Variants in RCBTB1 observed in about 807,000 individuals in gnomAD.
RCBTB1 encodes RCC1 and BTB domain-containing protein 1.
Under a neutral mutation model 62.4 loss-of-function variants are expected in RCBTB1, and 46 were observed. The ratio of observed to expected loss-of-function variants is 0.74; its 90% CI spans 0.58 to 0.94. The LOEUF is 0.94. Among genes scored for constraint, RCBTB1 ranks in the 40% least tolerant of loss-of-function variants. RCBTB1 has a pLI of 0.00. For synonymous variants in RCBTB1, 222 were observed against 245.8 expected (o/e 0.90, Z 0.91); for missense variants, 565 against 654.9 (o/e 0.86, Z 1.50).
intron 5 of RCBTB1, among the ~76,000 whole-genome samples, chr13:49,556,481 T>C (rs546896593): frequency 4.6e-5 from 7 of 152,298 alleles, no homozygotes; most frequent in Middle Eastern, 3.4e-3. Context: ...TGAGCCACCA[T>C]GCCCAGCCTC....
chr13:49,569,641 G>A (rs573080967), intron 2 of RCBTB1, among the ~76,000 whole-genome samples: 24 of 151,610 alleles, frequency 1.6e-4, no homozygotes, highest in Non-Finnish European at 2.4e-4. Context: ...ACTTGAGCCC[G>A]GGAGGCAGAG....
intron 5 of RCBTB1, among the ~76,000 whole-genome samples, chr13:49,558,319 C>T (rs1051553846): frequency 6.6e-6 from 1 of 152,028 alleles, no homozygotes; most frequent in African/African-American, 2.4e-5. Context: ...AGGCTGTGGC[C>T]ACATGCAACC....
intron 3 of RCBTB1, 46 bp from the exon 4 acceptor site, chr13:49,566,814 G>T: frequency 6.5e-7 from 1 of 1,545,662 alleles, no homozygotes; most frequent in Non-Finnish European, 8.8e-7. Context: ...ACCGAAAGCT[G>T]TATTAAAAGC....
At chr13:49,585,197 C>T (rs550460457) in intron 1 of RCBTB1, among the ~76,000 whole-genome samples, 87 of 152,328 alleles carry the variant, frequency 5.7e-4, no homozygotes, top group African/African-American at 2.1e-3. Flanking sequence ...TTTCCCTCGC[C>T]TCTCCCCATC....
At chr13:49,546,888 T>C in intron 9 of RCBTB1, 1 of 936,170 alleles carries the variant, frequency 1.1e-6, no homozygotes, top group Non-Finnish European at 1.3e-6. Flanking sequence ...TACAGGCATA[T>C]GGCCTGGGGT....
intron 9 of RCBTB1, chr13:49,546,206 CTCTT>C (rs1960772983): frequency 1.0e-6 from 1 of 985,344 alleles, no homozygotes; most frequent in Admixed American, 6.1e-5. Context: ...GCTGAAATGA[CTCTT>C]TCTCCTCTTT....
intron 11 of RCBTB1, 130 bp from the exon 12 acceptor site, chr13:49,541,136 G>T: frequency 1.4e-6 from 1 of 703,442 alleles, no homozygotes; most frequent in Non-Finnish European, 2.2e-6. Context: ...CTGAATTTGA[G>T]TAAATAAATT....
chr13:49,570,209 A>G (rs186935930), intron 2 of RCBTB1, among the ~76,000 whole-genome samples: 1 of 152,364 alleles, frequency 6.6e-6, no homozygotes. Flanking sequence ...TCCTGACAGC[A>G]GCACAATTAT....
At chr13:49,574,740 T>G (rs1442311179) in intron 2 of RCBTB1, among the ~76,000 whole-genome samples, 1 of 151,080 alleles carries the variant, frequency 6.6e-6, no homozygotes, top group East Asian at 1.9e-4. Flanking sequence ...ATTTCTAGCA[T>G]ATACCCCAAA....
chr13:49,550,455 G>A (rs1169483617), intron 8 of RCBTB1: 4 of 982,362 alleles, frequency 4.1e-6, no homozygotes, highest in Non-Finnish European at 4.8e-6. Context: ...CTCATAATCA[G>A]AAGTCAGCAC....
chr13:49,579,997 T>G (rs1489801593), intron 2 of RCBTB1, among the ~76,000 whole-genome samples: 1 of 152,180 alleles, frequency 6.6e-6, no homozygotes, highest in African/African-American at 2.4e-5. Flanking sequence ...TGCTTTCATC[T>G]CATTCATTTC....
At chr13:49,574,792 G>C (rs1229201198) in intron 2 of RCBTB1, among the ~76,000 whole-genome samples, 1 of 151,888 alleles carries the variant, frequency 6.6e-6, no homozygotes, top group South Asian at 2.1e-4. Flanking sequence ...GTATACCAAC[G>C]GTCAAAGCAG....
At chr13:49,582,918 T>G (rs1451964102) in intron 1 of RCBTB1, among the ~76,000 whole-genome samples, 2 of 152,154 alleles carry the variant, frequency 1.3e-5, no homozygotes. Flanking sequence ...TGCTCACGCC[T>G]GTAATCCCAA....
At chr13:49,544,048 AG>A (rs1433462644) in intron 10 of RCBTB1, among the ~76,000 whole-genome samples, 1 of 152,234 alleles carries the variant, frequency 6.6e-6, no homozygotes, top group Non-Finnish European at 1.5e-5. Flanking sequence ...CATTCCTATG[AG>A]AGTTTTCTGC....
chr13:49,551,182 G>T (rs1961306817), intron 8 of RCBTB1, 144 bp downstream of exon 8: 9 of 865,690 alleles, frequency 1.0e-5, no homozygotes, highest in Non-Finnish European at 5.2e-6. Context: ...AAGGGGGAAG[G>T]GAGAAGGGAA....
At chr13:49,571,720 T>A (rs1472366708) in intron 2 of RCBTB1, among the ~76,000 whole-genome samples, 2 of 152,164 alleles carry the variant, frequency 1.3e-5, no homozygotes, top group African/African-American at 4.8e-5. Flanking sequence ...ATTTCCCTCC[T>A]AAGGCAGCAG....
intron 9 of RCBTB1, among the ~76,000 whole-genome samples, chr13:49,547,464 T>C (rs1206647655): frequency 6.6e-6 from 1 of 152,182 alleles, no homozygotes; most frequent in Non-Finnish European, 1.5e-5. Context: ...TTATTCCCTC[T>C]GCTTATAAAT....
Position 49,552,163 on chromosome 13 carries a change from G to T in RCBTB1, c.711+15C>A. The T allele has an allele frequency of 6.6e-7, 1 of 1,519,562 alleles. No individual in the cohort carries two copies. Among genetic ancestry groups the T allele is most frequent in the Non-Finnish European group, 9.0e-7 (1 of 1,112,458 alleles). 94.1% of individuals were successfully genotyped at this position (1,519,562 alleles called of 1,614,324 possible). On this transcript the variant is annotated intron_variant, in intron 7 of 12. Coordinates refer to ENST00000378302, the MANE Select transcript of RCBTB1 (RefSeq NM_018191.4). ...GTAGATGGGAAGCCACTAACTGAGA[G>T]TGCACCACACGTACCTGGTTCACAC...
At chr13:49,537,287 A>G (rs1315493806) in intron 12 of RCBTB1, among the ~76,000 whole-genome samples, 1 of 152,224 alleles carries the variant, frequency 6.6e-6, no homozygotes, top group Non-Finnish European at 1.5e-5. Flanking sequence ...CAAGTACAAA[A>G]TATTCCAAAT....
Sources: gnomAD v4.1 joint callset for allele counts (sites outside exome capture counted in the v4.1 genomes callset) on GRCh38, gnomAD v4.1.1 for gene constraint, MANE v1.5 for transcripts, NCBI Gene and HGNC (gene_info 2026-07-23, HGNC 2026-07-21) for gene names.